GALNT17: variants seen among roughly 807,000 people sequenced by gnomAD.
GALNT17 encodes polypeptide N-acetylgalactosaminyltransferase 17.
In GALNT17, 29 loss-of-function variants were observed where a neutral mutation model predicts 63.7. The ratio of observed to expected loss-of-function variants is 0.46; its 90% CI spans 0.34 to 0.62. The LOEUF (loss-of-function observed/expected upper bound fraction) is 0.62, where lower values mean the gene tolerates loss of function less well. Among genes scored for constraint, GALNT17 ranks in the 20% least tolerant of loss-of-function variants. GALNT17 has a pLI of 0.01. For missense variants in GALNT17, 603 were observed against 799.6 expected, an observed-to-expected ratio of 0.75 and a Z score of 2.97; for synonymous variants, 305 against 318.3, an observed-to-expected ratio of 0.96 and a Z score of 0.45.
intron 4 of GALNT17, 111 bp downstream of exon 4, chr7:71,416,174 A>T (rs1271750173): frequency 2.4e-6 from 3 of 1,260,660 alleles, no homozygotes; most frequent in Non-Finnish European, 2.1e-6. Flanking sequence ...GCACTGGGAG[A>T]CTAGAGAGAG....
chr7:71,273,805 A>G (rs1790634787), intron 1 of GALNT17, among the ~76,000 whole-genome samples: 1 of 152,246 alleles, frequency 6.6e-6, no homozygotes. Context: ...AAATACAATC[A>G]TGGCATTTCC....
chr7:71,195,478 C>T (rs1789030811), intron 1 of GALNT17, among the ~76,000 whole-genome samples: 1 of 151,888 alleles, frequency 6.6e-6, no homozygotes, highest in Non-Finnish European at 1.5e-5. Flanking sequence ...GCCTCCTGGG[C>T]TCAGGAGATC....
intron 6 of GALNT17, among the ~76,000 whole-genome samples, chr7:71,658,269 T>C (rs1036612219): frequency 2.0e-5 from 3 of 152,140 alleles, no homozygotes; most frequent in Admixed American, 1.3e-4. Flanking sequence ...TCAAAAGATG[T>C]AACTAAACCA....
intron 8 of GALNT17, 147 bp downstream of exon 8, chr7:71,670,256 T>A: frequency 2.8e-6 from 3 of 1,082,074 alleles, no homozygotes; most frequent in Non-Finnish European, 4.1e-6. Context: ...TCTCTCTAGC[T>A]GGGGGGTTGG....
chr7:71,419,982 T>C (rs1786631695), intron 4 of GALNT17, among the ~76,000 whole-genome samples: 1 of 152,260 alleles, frequency 6.6e-6, no homozygotes, highest in African/African-American at 2.4e-5. Flanking sequence ...CGACTGTGTG[T>C]TCTCATTATT....
intron 5 of GALNT17, among the ~76,000 whole-genome samples, chr7:71,435,199 GTGCC>G (rs1182208875): frequency 6.6e-6 from 1 of 152,094 alleles, no homozygotes; most frequent in Non-Finnish European, 1.5e-5. Flanking sequence ...GTGGTGGTGC[GTGCC>G]TGAAACTGCC....
chr7:71,560,886 T>C (rs980224968), intron 5 of GALNT17, among the ~76,000 whole-genome samples: 2 of 152,194 alleles, frequency 1.3e-5, no homozygotes, highest in Non-Finnish European at 2.9e-5. Context: ...TGGGTATAGA[T>C]TGGATGTGTG....
chr7:71,245,673 A>C (rs1400083552), intron 1 of GALNT17, among the ~76,000 whole-genome samples: 1 of 152,162 alleles, frequency 6.6e-6, no homozygotes, highest in African/African-American at 2.4e-5. Context: ...TTTAATGGGC[A>C]AAGGCTAGAG....
intron 1 of GALNT17, among the ~76,000 whole-genome samples, chr7:71,142,397 TCTTA>T (rs1312144661): frequency 1.3e-5 from 2 of 152,326 alleles, no homozygotes; most frequent in South Asian, 2.1e-4. Context: ...CTGCTCCTCC[TCTTA>T]CTTATAATGA....
intron 1 of GALNT17, among the ~76,000 whole-genome samples, chr7:71,251,846 G>A (rs781707091): frequency 6.6e-6 from 1 of 152,186 alleles, no homozygotes; most frequent in Non-Finnish European, 1.5e-5. Flanking sequence ...TTTACCTTAC[G>A]ACTGTCACCC....
intron 5 of GALNT17, among the ~76,000 whole-genome samples, chr7:71,451,887 G>GT (rs1378578803): frequency 1.1e-3 from 168 of 151,306 alleles, no homozygotes; most frequent in African/African-American, 3.2e-3. Flanking sequence ...CCGAATTGTG[G>GT]TTTTTTTTGT....
intron 2 of GALNT17, among the ~76,000 whole-genome samples, chr7:71,349,012 A>C (rs549359136): frequency 1.3e-5 from 2 of 152,348 alleles, no homozygotes; most frequent in South Asian, 2.1e-4. Context: ...CACTTTAGGC[A>C]GTTTGCCAAA....
chr7:71,180,886 A>G (rs1196328315), intron 1 of GALNT17, among the ~76,000 whole-genome samples: 1 of 152,200 alleles, frequency 6.6e-6, no homozygotes, highest in Non-Finnish European at 1.5e-5. Context: ...CAAGCTAGGT[A>G]TTATATAATG....
At chr7:71,134,950 CAA>C (rs1787755735) in intron 1 of GALNT17, among the ~76,000 whole-genome samples, 1 of 140,308 alleles carries the variant, frequency 7.1e-6, no homozygotes, top group Non-Finnish European at 1.5e-5. Context: ...CTCCTGGGCT[CAA>C]GTCATTCTCT....
chr7:71,299,342 A>C (rs1317290), intron 1 of GALNT17, among the ~76,000 whole-genome samples: 52,999 of 152,058 alleles, frequency 0.35, 9,416 homozygotes, highest in East Asian at 0.51. Context: ...ACTGCCGTTT[A>C]TGAAGTCACC....
chr7:71,372,797 A>G (rs982527280), intron 2 of GALNT17, among the ~76,000 whole-genome samples: 1 of 152,182 alleles, frequency 6.6e-6, no homozygotes, highest in Non-Finnish European at 1.5e-5. Flanking sequence ...TCATATACAG[A>G]TGTGTAGCAT....
At chr7:71,532,244 AC>A (rs1350524649) in intron 5 of GALNT17, among the ~76,000 whole-genome samples, 5 of 152,078 alleles carry the variant, frequency 3.3e-5, no homozygotes, top group African/African-American at 9.7e-5. Context: ...GGCACACAAC[AC>A]CCGCATAGCT....
At chr7:71,518,263 T>G (rs1324643366) in intron 5 of GALNT17, among the ~76,000 whole-genome samples, 1 of 152,334 alleles carries the variant, frequency 6.6e-6, no homozygotes, top group Admixed American at 6.5e-5. Flanking sequence ...TCAGGCATCT[T>G]CTTTCTTATT....
At chr7:71,624,537 G>T (rs1282742252) in intron 6 of GALNT17, among the ~76,000 whole-genome samples, 3 of 151,894 alleles carry the variant, frequency 2.0e-5, no homozygotes, top group Admixed American at 1.3e-4. Context: ...GGTTTCATCA[G>T]TAAGTGTCAT....
Sources: allele counts gnomAD v4.1 joint callset (sites outside exome capture counted in the v4.1 genomes callset), GRCh38; gene constraint gnomAD v4.1.1; transcripts MANE v1.5; gene names NCBI Gene and HGNC (gene_info 2026-07-23, HGNC 2026-07-21).